Variants in TMEM9 observed in about 807,000 individuals in gnomAD.
TMEM9 encodes the protein proton-transporting V-type ATPase complex assembly regulator TMEM9.
Under a neutral mutation model 22.8 loss-of-function variants are expected in TMEM9, and 13 were observed. That is an observed-to-expected ratio of 0.57 (90% CI 0.37 to 0.91). The LOEUF is 0.91. Ranked by LOEUF, TMEM9 falls within the 40% of genes least tolerant of loss-of-function variation. The pLI, the probability that TMEM9 is intolerant of heterozygous loss-of-function variation, is 0.01. For missense variants in TMEM9, 182 were observed against 238.1 expected, an observed-to-expected ratio of 0.76 and a Z score of 1.55; for synonymous variants, 88 against 93.0, an observed-to-expected ratio of 0.95 and a Z score of 0.31.
Position 201,154,160 on chromosome 1 carries a change from G to A in TMEM9, c.-237C>T. 3.8e-6 allele frequency: 2 copies of A among 527,316 alleles called. No individual in the cohort carries two copies. Among genetic ancestry groups the A allele is most frequent in the Non-Finnish European group, 6.7e-6 (2 of 298,814 alleles). The allele number at this position is 527,316 out of a possible 1,614,324, so 32.7% of individuals were successfully genotyped here. On this transcript the variant is annotated 5_prime_UTR_variant, in exon 1 of 5. Coordinates refer to ENST00000367330, the MANE Select transcript of TMEM9 (RefSeq NM_001288565.2). Reference sequence around the variant, plus strand: ...CTCCGCCAGCCACCTGGTGAGCCCGGCAGAGGGGTCCTCGAGGGGACACCG... The same window carrying A: ...CTCCGCCAGCCACCTGGTGAGCCCGACAGAGGGGTCCTCGAGGGGACACCG...
At chr1:201,163,806 A>AGAGG (rs1666007468) in intron 1 of TMEM9, among the ~76,000 whole-genome samples, 1 of 152,184 alleles carries the variant, frequency 6.6e-6, no homozygotes, top group Non-Finnish European at 1.5e-5. Flanking sequence ...GCCTCTTTGG[A>AGAGG]AAACAGTTTG....
chr1:201,147,888 T>G (rs562143426), intron 2 of TMEM9, among the ~76,000 whole-genome samples: 1 of 152,270 alleles, frequency 6.6e-6, no homozygotes, highest in African/African-American at 2.4e-5. Context: ...CTTTGCCACC[T>G]CATCTTTTAA....
rs1024687025 is a variant in TMEM9, at chr1:201,153,738, G to A, written c.66+120C>T. On this transcript the variant is annotated intron_variant, in intron 1 of 4. Coordinates refer to ENST00000367330, the MANE Select transcript of TMEM9 (RefSeq NM_001288565.2). ...GAAGGAAGACCACTAAAAGAAGTAT[G>A]GCCCATAGGTGAGTGAGAGGCAGGC... is the stretch of plus-strand genomic sequence containing the variant. The A allele has an allele frequency of 8.3e-6, 13 of 1,558,468 alleles. No homozygotes were observed. The African/African-American group carries it at 1.6e-4, about 20-fold the overall frequency.
chr1:201,153,713 G>A, intron 1 of TMEM9, 145 bp downstream of exon 1: 1 of 1,546,210 alleles, frequency 6.5e-7, no homozygotes, highest in East Asian at 2.4e-5. Context: ...CCTTGAACCT[G>A]AAGGAAGACC....
intron 2 of TMEM9, among the ~76,000 whole-genome samples, chr1:201,151,062 T>C (rs1218400857): frequency 6.6e-6 from 1 of 151,982 alleles, no homozygotes; most frequent in Non-Finnish European, 1.5e-5. Flanking sequence ...TGAACATAAC[T>C]GATCCACACC....
In TMEM9 at chr1:201,154,022, G is replaced by A; in HGVS notation, c.-99C>T. ...GGCCACACCGCAGCCAGCACGCTAG[G>A]CCCTTAACCATCCGGCCAAGTGGGA... On this transcript the variant is annotated 5_prime_UTR_variant, in exon 1 of 5. Coordinates refer to ENST00000367330, the MANE Select transcript of TMEM9 (RefSeq NM_001288565.2). 6 of 1,403,690 alleles carry A rather than the reference G, an allele frequency of 4.3e-6. No homozygotes were observed. Among genetic ancestry groups the A allele is most frequent in the Non-Finnish European group, 5.7e-6 (6 of 1,044,718 alleles). The allele number at this position is 1,403,690 out of a possible 1,614,324, so 87.0% of individuals were successfully genotyped here.
chr1:201,160,740 T>C (rs1665921860), intron 1 of TMEM9, among the ~76,000 whole-genome samples: 1 of 151,756 alleles, frequency 6.6e-6, no homozygotes, highest in Admixed American at 6.6e-5. Context: ...ATCGAGAACA[T>C]CCTGGCTAAC....
Position 201,135,500 on chromosome 1 carries a change from G to T in TMEM9, c.*163C>A. 2 of 687,798 alleles carry T rather than the reference G, an allele frequency of 2.9e-6. No individual in the cohort carries two copies. Among genetic ancestry groups the T allele is most frequent in the South Asian group, 2.6e-5 (1 of 38,066 alleles). The allele number at this position is 687,798 out of a possible 1,614,324, so 42.6% of individuals were successfully genotyped here. ...ACATCCCTCTTCCCTAATCAAAATA[G>T]CCAAGTACAACATTTCTAAAGTTAG... is the stretch of plus-strand genomic sequence containing the variant. On this transcript the variant is annotated 3_prime_UTR_variant, in exon 5 of 5. Coordinates refer to ENST00000367330, the MANE Select transcript of TMEM9 (RefSeq NM_001288565.2).
intron 4 of TMEM9, among the ~76,000 whole-genome samples, chr1:201,141,207 C>G (rs887065827): frequency 6.6e-6 from 1 of 152,216 alleles, no homozygotes; most frequent in African/African-American, 2.4e-5. Flanking sequence ...ACCCGTCTTA[C>G]GAAGCCAGAT....
rs1169467630 is a variant in TMEM9, at chr1:201,153,854, T to TCA, written c.66+2_66+3dup. The TCA allele has an allele frequency of 6.2e-7, 1 of 1,614,146 alleles. No homozygotes were observed. Among genetic ancestry groups the TCA allele is most frequent in the East Asian group, 2.2e-5 (1 of 44,876 alleles). ...ACCAGGTGCTGCAGGCTCACCTCCCTCACCTTGTTGGCTTCAGCTGGGGGC... is the reference window on the plus strand; with the variant it reads ...ACCAGGTGCTGCAGGCTCACCTCCCTCACACCTTGTTGGCTTCAGCTGGGGGC... On this transcript the variant is annotated splice_donor_region_variant and intron_variant, in intron 1 of 4. Coordinates refer to ENST00000367330, the MANE Select transcript of TMEM9 (RefSeq NM_001288565.2).
At chr1:201,142,563 T>G (rs1444777406) in intron 4 of TMEM9, among the ~76,000 whole-genome samples, 1 of 152,254 alleles carries the variant, frequency 6.6e-6, no homozygotes, top group Non-Finnish European at 1.5e-5. Context: ...GTTGTTTTTC[T>G]TTTCCTTTAA....
chr1:201,136,094 G>C (rs1216870278), intron 4 of TMEM9, among the ~76,000 whole-genome samples: 1 of 152,162 alleles, frequency 6.6e-6, no homozygotes, highest in East Asian at 1.9e-4. Context: ...TCCAGGAAGA[G>C]TAGGTTCTGC....
chr1:201,152,729 T>A (rs1322179599), intron 1 of TMEM9, among the ~76,000 whole-genome samples: 1 of 152,220 alleles, frequency 6.6e-6, no homozygotes, highest in African/African-American at 2.4e-5. Flanking sequence ...AAATTCGAAA[T>A]GCTCCCAATC....
Position 201,163,631 on chromosome 1 carries a change from G to T in TMEM9, c.-37+7859C>A, listed in dbSNP as rs551910684. Among the ~76,000 whole-genome samples the T allele has an allele frequency of 2.0e-4, 31 of 151,928 alleles. 1 individual carries two copies. The highest frequency in any genetic ancestry group is 3.4e-3 in the Middle Eastern group (1 of 294). ...TAAATAATAAATAAAAAATATTTTA[G>T]AAATAAAAATAATGAGCTATCACTA... is the stretch of plus-strand genomic sequence containing the variant. On this transcript the variant is annotated intron_variant, in intron 1 of 5. Coordinates refer to the TMEM9 transcript ENST00000367333.
intron 1 of TMEM9, among the ~76,000 whole-genome samples, chr1:201,164,658 G>A (rs1010169191): frequency 6.6e-6 from 1 of 152,180 alleles, no homozygotes; most frequent in South Asian, 2.1e-4. Flanking sequence ...ATCCAATAGA[G>A]AAATGGTATC....
At position 201,135,516 on chromosome 1, in the gene TMEM9, C is replaced by A; in HGVS notation, c.*147G>T. 1.3e-6 allele frequency: 1 copy of A among 799,084 alleles called. No individual in the cohort carries two copies. Among genetic ancestry groups the A allele is most frequent in the Non-Finnish European group, 1.9e-6 (1 of 532,496 alleles). 49.5% of individuals were successfully genotyped at this position (799,084 alleles called of 1,614,324 possible). The stretch of plus-strand genomic sequence containing the variant: ...ATCAAAATAGCCAAGTACAACATTT[C>A]TAAAGTTAGGGAGAAGGAGGAAAAA... On this transcript the variant is annotated 3_prime_UTR_variant, in exon 5 of 5. Coordinates refer to ENST00000367330, the MANE Select transcript of TMEM9 (RefSeq NM_001288565.2).
Position 201,151,747 on chromosome 1 carries a change from G to A in TMEM9, c.158+14C>T, listed in dbSNP as rs772650022. ...CTGGGTATAGCAGCCAGGGGCCTGCGTGTAATGCCTTACCAGTCCTTCTGG... is the reference window on the plus strand; with the variant it reads ...CTGGGTATAGCAGCCAGGGGCCTGCATGTAATGCCTTACCAGTCCTTCTGG... On this transcript the variant is annotated intron_variant, in intron 2 of 4. Transcript: ENST00000367330. 1.2e-5 allele frequency: 20 copies of A among 1,605,204 alleles called. No homozygotes were observed. The highest frequency in any genetic ancestry group is 3.3e-5 in the Admixed American group (2 of 59,990).
intron 1 of TMEM9, among the ~76,000 whole-genome samples, chr1:201,170,963 G>A (rs1483087642): frequency 1.3e-5 from 2 of 152,268 alleles, no homozygotes; most frequent in African/African-American, 4.8e-5. Flanking sequence ...GAACATTTCT[G>A]TGCCGGGCCA....
intron 3 of TMEM9, among the ~76,000 whole-genome samples, chr1:201,146,122 C>T (rs1039770985): frequency 6.6e-6 from 1 of 152,178 alleles, no homozygotes; most frequent in Non-Finnish European, 1.5e-5. Context: ...CTAGAAGACA[C>T]GGGAAGTTCT....
Sources: allele counts gnomAD v4.1 joint callset (sites outside exome capture counted in the v4.1 genomes callset), GRCh38; gene constraint gnomAD v4.1.1; transcripts MANE v1.5; gene names NCBI Gene and HGNC (gene_info 2026-07-23, HGNC 2026-07-21).